The following GATA3 variants were observed in gnomAD, a reference collection of about 807,000 sequenced individuals.
GATA3 encodes GATA binding protein 3, also known as trans-acting T-cell-specific transcription factor GATA-3.
GATA3 carries 6 observed loss-of-function variants against 36.0 expected under a neutral mutation model. The ratio of observed to expected loss-of-function variants is 0.17; its 90% CI spans 0.09 to 0.33. The LOEUF (loss-of-function observed/expected upper bound fraction) is 0.33. Ranked by LOEUF, GATA3 falls within the 10% of genes least tolerant of loss-of-function variation. The pLI is 1.00. For missense variants in GATA3, 514 were observed against 610.1 expected (o/e 0.84, Z 1.66); for synonymous variants, 326 against 273.0 (o/e 1.19, Z -1.92).
chr10:8,071,289 G>A (rs1470021446), intron 5 of GATA3, among the ~76,000 whole-genome samples: 5 of 152,280 alleles, frequency 3.3e-5, no homozygotes, highest in African/African-American at 9.6e-5. Context: ...CTGGGAAGTT[G>A]GCAGTGTCAG....
chr10:8,073,557 T>A (rs1832964187), intron 5 of GATA3, among the ~76,000 whole-genome samples, 182 bp from the exon 6 acceptor site: 1 of 152,068 alleles, frequency 6.6e-6, no homozygotes, highest in Non-Finnish European at 1.5e-5. Context: ...TGTATGTATT[T>A]TAGTTCTTCA....
In GATA3 at chr10:8,073,719, A is replaced by T. The variant is rs1832967823; in HGVS notation, c.1051-20A>T. On this transcript the variant is annotated intron_variant, in intron 5 of 5. Transcript: ENST00000379328. ...CAGCAAAAAAGTAAAAAAAAAAAAA[A>T]AAAATTGATCTTTGTTTAGATTAAC... The T allele has an allele frequency of 6.3e-7, 1 of 1,597,550 alleles. No individual in the cohort carries two copies. Among genetic ancestry groups the T allele is most frequent in the African/African-American group, 1.4e-5 (1 of 73,538 alleles).
chr10:8,061,977 A>T (rs778678599), intron 3 of GATA3, among the ~76,000 whole-genome samples: 18 of 152,210 alleles, frequency 1.2e-4, no homozygotes, highest in Non-Finnish European at 2.5e-4. Context: ...CCTAGCTGGG[A>T]CAGGGCCAGT....
At chr10:8,053,950 T>C (rs1008639947), upstream of GATA3, among the ~76,000 whole-genome samples, 2 of 152,100 alleles carry the variant, frequency 1.3e-5, no homozygotes, top group African/African-American at 4.8e-5. The surrounding 1 kb of genome is among the most constrained non-coding windows in gnomAD (Gnocchi z 5.1). Flanking sequence ...AAAGCACACA[T>C]TGATTACAAA....
rs754738004 is a variant in GATA3 at position 8,061,089 on chromosome 10, C to CTCTCTT, written c.778+2249_778+2250insCTCTTT. On this transcript the variant is annotated intron_variant, in intron 3 of 5. Transcript: ENST00000379328. ...TTGCTCTCTCTCTCTCTCTCTCTCT[C>CTCTCTT]TTTTTTACCCCTTTAACCTCTTCTT... Among the ~76,000 whole-genome samples, 383 of 145,808 alleles carry CTCTCTT rather than the reference C, an allele frequency of 2.6e-3. 3 individuals carry two copies. Among genetic ancestry groups the CTCTCTT allele is most frequent in the African/African-American group, 8.0e-3 (314 of 39,018 alleles).
intron 3 of GATA3, among the ~76,000 whole-genome samples, chr10:8,061,562 T>G (rs576483920): frequency 1.3e-5 from 2 of 151,930 alleles, no homozygotes; most frequent in African/African-American, 4.8e-5. Flanking sequence ...GGGCCTCCAT[T>G]AGGAAAACTG....
chr10:8,046,690 TGTC>T, intron 1 of GATA3, among the ~76,000 whole-genome samples: 1 of 130,960 alleles, frequency 7.6e-6, no homozygotes, highest in Non-Finnish European at 1.6e-5. Context: ...TGTGTGTGTG[TGTC>T]AGGGGCTTAC....
chr10:8,052,604 G>T (rs906911320), upstream of GATA3: 16 of 152,244 alleles, frequency 1.1e-4, no homozygotes, highest in African/African-American at 3.6e-4. Flanking sequence ...CGATTGACGC[G>T]CGGAGAAGCA....
intron 4 of GATA3, among the ~76,000 whole-genome samples, chr10:8,064,620 A>G (rs1832806263): frequency 6.6e-6 from 1 of 152,204 alleles, no homozygotes; most frequent in South Asian, 2.1e-4. Context: ...GACTCAGTGC[A>G]ATGGATGGAT....
At chr10:8,054,191 C>A (rs1397392128), upstream of GATA3, among the ~76,000 whole-genome samples, 3 of 152,212 alleles carry the variant, frequency 2.0e-5, no homozygotes, top group Non-Finnish European at 4.4e-5. This position sits in a 1 kb window ranked among gnomAD's most constrained non-coding sequence, Gnocchi z 4.2. Context: ...CAATTTAACG[C>A]GCACGTTTCC....
intron 4 of GATA3, among the ~76,000 whole-genome samples, chr10:8,067,766 C>T (rs536228973): frequency 3.9e-5 from 6 of 152,092 alleles, no homozygotes; most frequent in African/African-American, 7.2e-5. Context: ...TGCAGTGAGC[C>T]GAGATCGCGC....
At chr10:8,050,033 G>A (rs1191145966), upstream of GATA3, among the ~76,000 whole-genome samples, 1 of 152,180 alleles carries the variant, frequency 6.6e-6, no homozygotes, top group Non-Finnish European at 1.5e-5. Flanking sequence ...GCCCTGGCCT[G>A]GCTCAGGTCG....
chr10:8,066,849 A>T (rs3802600), intron 4 of GATA3, among the ~76,000 whole-genome samples: 30,704 of 152,026 alleles, frequency 0.2, 3,196 homozygotes, highest in East Asian at 0.25. Flanking sequence ...TACTGGAAGC[A>T]TCTTCCTTTG....
Position 8,058,849 on chromosome 10 carries a change from C to A in GATA3, c.778+8C>A. On this transcript the variant is annotated splice_region_variant and intron_variant, in intron 3 of 5. Transcript: ENST00000379328. ...AGGCCCGGTCCAGCACAGGTAGGAG[C>A]CAGCTCTTCCCTGGAGCCTTTTCTC... 2 of 1,601,060 alleles carry A rather than the reference C, an allele frequency of 1.2e-6. No individual in the cohort carries two copies. The highest frequency in any genetic ancestry group is 1.7e-6 in the Non-Finnish European group (2 of 1,179,650).
chr10:8,057,518 G>A (rs1393518608), intron 2 of GATA3, among the ~76,000 whole-genome samples: 2 of 152,146 alleles, frequency 1.3e-5, no homozygotes, highest in Non-Finnish European at 2.9e-5. Context: ...AGGGTGCATG[G>A]GGCTTACGTT....
chr10:8,072,335 G>A lies in GATA3; in HGVS notation c.1051-1404G>A, dbSNP rs529207463. Among the ~76,000 whole-genome samples, 12 of 152,292 alleles carry A rather than the reference G, an allele frequency of 7.9e-5. 1 individual carries two copies. The highest frequency in any genetic ancestry group is 7.7e-4 in the East Asian group (4 of 5,178). On this transcript the variant is annotated intron_variant, in intron 5 of 5. Transcript: ENST00000379328. ...GTTCTCCACCCTTGAGAACTGTGGCGGAAGGCGATGCTTTCAGCCCGGGAA... is the reference window on the plus strand; with the variant it reads ...GTTCTCCACCCTTGAGAACTGTGGCAGAAGGCGATGCTTTCAGCCCGGGAA...
intron 3 of GATA3, among the ~76,000 whole-genome samples, chr10:8,061,792 C>T (rs548066456): frequency 6.6e-6 from 1 of 152,332 alleles, no homozygotes; most frequent in Non-Finnish European, 1.5e-5. Context: ...TCAGACTGAT[C>T]ATGTCAGGCT....
At chr10:8,048,070 C>T (rs1832414160) in intron 1 of GATA3, among the ~76,000 whole-genome samples, 1 of 152,172 alleles carries the variant, frequency 6.6e-6, no homozygotes, top group Admixed American at 6.5e-5. Context: ...CAGAGTGTCC[C>T]GCTACAATCA....
At chr10:8,068,708 G>T (rs1000931566) in intron 4 of GATA3, among the ~76,000 whole-genome samples, 1 of 152,162 alleles carries the variant, frequency 6.6e-6, no homozygotes, top group South Asian at 2.1e-4. Context: ...AGCTGAGATC[G>T]CACCACTGCA....
Sources: gnomAD v4.1 joint callset for allele counts (sites outside exome capture counted in the v4.1 genomes callset) on GRCh38, gnomAD v4.1.1 for gene constraint, Gnocchi (gnomAD v3.1) non-coding constraint, MANE v1.5 for transcripts, NCBI Gene and HGNC (gene_info 2026-07-23, HGNC 2026-07-21) for gene names.